The following PHEX variants were observed in gnomAD, a reference collection of about 807,000 sequenced individuals.
PHEX encodes phosphate regulating endopeptidase X-linked.
In PHEX, 16 loss-of-function variants were observed where a neutral mutation model predicts 68.0. The ratio of observed to expected loss-of-function variants is 0.24; its 90% CI spans 0.16 to 0.36. The LOEUF (loss-of-function observed/expected upper bound fraction) is 0.36, where lower values mean the gene tolerates loss of function less well. PHEX is among the 10% of genes least tolerant of loss of function. The pLI is 1.00. For synonymous variants in PHEX, 208 were observed against 205.1 expected (o/e 1.01, Z -0.12); for missense variants, 480 against 575.5 (o/e 0.83, Z 1.70).
At chrX:22,045,031 G>T (rs35557871) in intron 2 of PHEX, among the ~76,000 whole-genome samples, 15,184 of 98,693 alleles carry the variant, frequency 0.15, 894 homozygotes, top group Admixed American at 0.24. Flanking sequence ...TTTTTTTTTT[G>T]TGTGTGTGTG....
intron 15 of PHEX, among the ~76,000 whole-genome samples, chrX:22,212,364 G>A (rs1234440580): frequency 9.0e-6 from 1 of 111,568 alleles, no homozygotes; most frequent in East Asian, 2.8e-4. Context: ...GTGTGTAAAT[G>A]GGGCTCCTAG....
chrX:22,136,278 A>C (rs1932229042), intron 12 of PHEX, among the ~76,000 whole-genome samples: 1 of 111,684 alleles, frequency 9.0e-6, no homozygotes, highest in African/African-American at 3.3e-5. Context: ...AATTCCTTGA[A>C]TCTTAGATGG....
intron 14 of PHEX, among the ~76,000 whole-genome samples, chrX:22,184,734 A>G (rs1019046448): frequency 8.9e-6 from 1 of 112,052 alleles, no homozygotes; most frequent in African/African-American, 3.2e-5. Flanking sequence ...GACAGAAATT[A>G]TTTTAGCCCG....
intron 12 of PHEX, among the ~76,000 whole-genome samples, chrX:22,164,547 A>G (rs1484713803): frequency 8.9e-6 from 1 of 111,779 alleles, no homozygotes; most frequent in Non-Finnish European, 1.9e-5. Context: ...GGTCCCAGAG[A>G]TGAGGTTTAA....
intron 18 of PHEX, 60 bp from the exon 19 acceptor site, chrX:22,226,383 A>G (rs1935498684): frequency 2.5e-6 from 2 of 813,273 alleles, no homozygotes; most frequent in Admixed American, 2.2e-5. Context: ...CTCTTGCTGA[A>G]TGATAGTTGA....
At chrX:22,233,101 T>C (rs1419713115) in intron 20 of PHEX, among the ~76,000 whole-genome samples, 1 of 111,966 alleles carries the variant, frequency 8.9e-6, no homozygotes, top group Non-Finnish European at 1.9e-5. Context: ...AAAATTCTTT[T>C]CTTTTCTTTG....
chrX:22,041,263 C>CTATATATATA (rs1185718846), intron 2 of PHEX, among the ~76,000 whole-genome samples: 1 of 65,371 alleles, frequency 1.5e-5, no homozygotes, highest in Non-Finnish European at 2.7e-5. Flanking sequence ...CTCTCTCTCT[C>CTATATATATA]TCTATATATA....
intron 12 of PHEX, among the ~76,000 whole-genome samples, chrX:22,143,668 C>T (rs1169027822): frequency 8.9e-6 from 1 of 112,310 alleles, no homozygotes; most frequent in South Asian, 3.7e-4. Flanking sequence ...CGCACCAATG[C>T]GATTTTTGTG....
chrX:22,193,933 C>G (rs1387102279), intron 15 of PHEX, among the ~76,000 whole-genome samples: 5 of 111,997 alleles, frequency 4.5e-5, no homozygotes. Context: ...TAATTTTCAC[C>G]AGTCTAGCGA....
rs1182752837 is a variant in PHEX at position 22,073,635 on chromosome X, GTTTTTTTTTTTTT to G, written c.350-2738_350-2726del. Among the ~76,000 whole-genome samples the G allele has an allele frequency of 7.0e-3, 372 of 53,219 alleles. 1 individual carries two copies. Among genetic ancestry groups the G allele is most frequent in the African/African-American group, 0.026 (342 of 13,016 alleles). 46.2% of individuals were successfully genotyped at this position (53,219 alleles called of 115,157 possible). A position where few individuals can be genotyped will look rare whatever the true frequency, so the allele number is the denominator to read the frequency against. Reference sequence around the variant, plus strand: ...AAAGTCTGAGGTTTGCTGTGCTATAGTTTTTTTTTTTTTTTTTTTTTTTTTTTGGAAACACACT... The same window carrying G: ...AAAGTCTGAGGTTTGCTGTGCTATAGTTTTTTTTTTTTTTGGAAACACACT... On this transcript the variant is annotated intron_variant, in intron 3 of 21. Transcript: ENST00000379374.
At chrX:22,097,333 A>C (rs1212753236) in intron 8 of PHEX, among the ~76,000 whole-genome samples, 3 of 112,346 alleles carry the variant, frequency 2.7e-5, no homozygotes, top group Non-Finnish European at 5.6e-5. Context: ...AGTGTTGTCA[A>C]AGGCCCAAGT....
At position 22,088,702 on chromosome X, in the gene PHEX, C is replaced by T. The variant is rs903157628; in HGVS notation, c.664-1727C>T. ...GGAATCTTTATGTATTCTAGATACACGTCCTTTGTCATATATGTGATTTTC... is the reference window on the plus strand; with the variant it reads ...GGAATCTTTATGTATTCTAGATACATGTCCTTTGTCATATATGTGATTTTC... On this transcript the variant is annotated intron_variant, in intron 5 of 21. Transcript: ENST00000379374. 2.7e-5 allele frequency among the ~76,000 whole-genome samples: 3 copies of T among 111,487 alleles called. No homozygotes were observed. In the East Asian group the frequency reaches 8.5e-4, roughly 32 times the overall value.
rs1930961231 is a variant in PHEX at position 22,111,464 on chromosome X, C to T, written c.1080-3C>T. 12 of 1,193,307 alleles carry T rather than the reference C, an allele frequency of 1.0e-5. No individual in the cohort carries two copies. The East Asian group carries it at 3.6e-4, about 35-fold the overall frequency. ...ATAAATGGGCATCTCTCTCTGTTAA[C>T]AGGACCATTGCCAACTATTTGGTGT... On this transcript the variant is annotated splice_polypyrimidine_tract_variant and splice_region_variant and intron_variant, in intron 9 of 21. Coordinates refer to ENST00000379374, the MANE Select transcript of PHEX (RefSeq NM_000444.6).
intron 14 of PHEX, among the ~76,000 whole-genome samples, chrX:22,180,399 C>T (rs1337937383): frequency 9.0e-6 from 1 of 111,066 alleles, no homozygotes; most frequent in Non-Finnish European, 1.9e-5. Flanking sequence ...CCTTCTATTA[C>T]TATTTCAGTT....
chrX:22,087,475 T>C (rs1929675698), intron 5 of PHEX, among the ~76,000 whole-genome samples: 2 of 111,739 alleles, frequency 1.8e-5, no homozygotes, highest in Admixed American at 9.5e-5. Context: ...GTGCCTTTTT[T>C]CCCCTGAAAC....
chrX:22,101,443 G>T (rs150055365), intron 9 of PHEX, among the ~76,000 whole-genome samples: 1,254 of 111,837 alleles, frequency 0.011, 17 homozygotes, highest in African/African-American at 0.038. Context: ...TTGCCATATT[G>T]GTCAGGATAT....
In PHEX at chrX:22,139,898, T is replaced by C. The variant is rs1254098138; in HGVS notation, c.1404+6274T>C. 1.2e-4 allele frequency among the ~76,000 whole-genome samples: 13 copies of C among 111,013 alleles called. 1 individual carries two copies. In the Admixed American group the frequency reaches 1.3e-3, roughly 11 times the overall value. The stretch of plus-strand genomic sequence containing the variant: ...GATATCTTACCGGAGTGATTTTCCA[T>C]GCTCTAGAGCCTCATGTAAATGTCA... On this transcript the variant is annotated intron_variant, in intron 12 of 21. Transcript: ENST00000379374.
intron 20 of PHEX, among the ~76,000 whole-genome samples, chrX:22,244,012 A>G (rs904811177): frequency 6.2e-5 from 7 of 112,415 alleles, no homozygotes; most frequent in Admixed American, 9.4e-5. Context: ...TGTTCACAAT[A>G]GCAAAGACTG....
chrX:22,123,551 A>T (rs919350357), intron 11 of PHEX, among the ~76,000 whole-genome samples: 1 of 111,748 alleles, frequency 8.9e-6, no homozygotes, highest in African/African-American at 3.3e-5. Flanking sequence ...GATAGAATTT[A>T]TAATATCAAC....
Sources: gnomAD v4.1 joint callset for allele counts (sites outside exome capture counted in the v4.1 genomes callset) on GRCh38, gnomAD v4.1.1 for gene constraint, MANE v1.5 for transcripts, NCBI Gene and HGNC (gene_info 2026-07-23, HGNC 2026-07-21) for gene names.